Variants in GRIK2 observed in about 807,000 individuals in gnomAD.
GRIK2 encodes glutamate receptor ionotropic, kainate 2.
In GRIK2, 32 loss-of-function variants were observed where a neutral mutation model predicts 100.3. The observed-to-expected ratio is 0.32, with a 90% CI of 0.24 to 0.43. The LOEUF is 0.43. Ranked by LOEUF, GRIK2 falls within the 20% of genes least tolerant of loss-of-function variation. The pLI, the probability that GRIK2 is intolerant of heterozygous loss-of-function variation, is 1.00. For synonymous variants in GRIK2, 417 were observed against 389.4 expected, an observed-to-expected ratio of 1.07 and a Z score of -0.83; for missense variants, 843 against 1,114.9, an observed-to-expected ratio of 0.76 and a Z score of 3.47.
chr6:101,694,258 G>A (rs1226906827), intron 7 of GRIK2, among the ~76,000 whole-genome samples: 1 of 152,064 alleles, frequency 6.6e-6, no homozygotes, highest in Non-Finnish European at 1.5e-5. Flanking sequence ...CAAAGTAAAG[G>A]AAATACAACA....
intron 2 of GRIK2, among the ~76,000 whole-genome samples, chr6:101,575,732 G>A (rs569763647): frequency 7.1e-4 from 108 of 152,022 alleles, no homozygotes; most frequent in African/African-American, 2.6e-3. Context: ...TCTTTACACC[G>A]TAAACCATAA....
intron 2 of GRIK2, among the ~76,000 whole-genome samples, chr6:101,445,157 G>C (rs1430945279): frequency 6.6e-6 from 1 of 151,894 alleles, no homozygotes; most frequent in Non-Finnish European, 1.5e-5. Context: ...AATAACTTAA[G>C]GACTTGGTTT....
At chr6:101,520,115 A>G (rs2128281102) in intron 2 of GRIK2, among the ~76,000 whole-genome samples, 1 of 152,212 alleles carries the variant, frequency 6.6e-6, no homozygotes, top group South Asian at 2.1e-4. Flanking sequence ...ATTCTTATTA[A>G]TAAACTGTAA....
At chr6:101,590,263 G>T (rs1778577940) in intron 2 of GRIK2, among the ~76,000 whole-genome samples, 1 of 151,934 alleles carries the variant, frequency 6.6e-6, no homozygotes, top group South Asian at 2.1e-4. Context: ...ACTGAAGCTG[G>T]GCCCTACAAA....
intron 14 of GRIK2, among the ~76,000 whole-genome samples, chr6:102,003,539 G>C (rs963836740): frequency 1.3e-5 from 2 of 151,560 alleles, no homozygotes; most frequent in Non-Finnish European, 3.0e-5. Context: ...ATAATTTAGT[G>C]ATTATTGTTA....
chr6:101,619,372 G>T (rs1490593263), intron 2 of GRIK2, among the ~76,000 whole-genome samples: 1 of 151,602 alleles, frequency 6.6e-6, no homozygotes, highest in Non-Finnish European at 1.5e-5. Flanking sequence ...GAAATAAAAA[G>T]ATTTCTTTAA....
At chr6:101,445,307 C>T (rs545667279) in intron 2 of GRIK2, among the ~76,000 whole-genome samples, 1 of 152,242 alleles carries the variant, frequency 6.6e-6, no homozygotes, top group South Asian at 2.1e-4. Flanking sequence ...TTCAGCCAAT[C>T]TGAGCTTCCT....
At chr6:101,932,940 A>C (rs1237629640) in intron 14 of GRIK2, among the ~76,000 whole-genome samples, 2 of 151,936 alleles carry the variant, frequency 1.3e-5, no homozygotes, top group African/African-American at 4.8e-5. Context: ...TTACCAGTAC[A>C]ATTTCTTCTT....
At chr6:101,572,507 G>T (rs955078187) in intron 2 of GRIK2, among the ~76,000 whole-genome samples, 2 of 152,134 alleles carry the variant, frequency 1.3e-5, no homozygotes, top group East Asian at 3.9e-4. Flanking sequence ...TAAAAAGAGG[G>T]GAACAAATAA....
chr6:101,400,104 C>G (rs1186496937), intron 2 of GRIK2, among the ~76,000 whole-genome samples: 1 of 151,522 alleles, frequency 6.6e-6, no homozygotes, highest in African/African-American at 2.4e-5. Context: ...GCTTTCTGGA[C>G]GTTATGGACT....
intron 14 of GRIK2, among the ~76,000 whole-genome samples, chr6:101,937,125 A>C (rs567454334): frequency 6.6e-6 from 1 of 152,278 alleles, no homozygotes; most frequent in African/African-American, 2.4e-5. Flanking sequence ...TGGGCGCTTT[A>C]ACTGAATAAA....
At chr6:101,646,671 A>G (rs368540066) in intron 4 of GRIK2, among the ~76,000 whole-genome samples, 86 of 152,114 alleles carry the variant, frequency 5.7e-4, no homozygotes, top group African/African-American at 2.0e-3. Flanking sequence ...AAAATTTGCA[A>G]AAGATATCAC....
chr6:101,795,148 T>C (rs1016380374), intron 7 of GRIK2, among the ~76,000 whole-genome samples: 3 of 152,172 alleles, frequency 2.0e-5, no homozygotes, highest in Non-Finnish European at 4.4e-5. Flanking sequence ...ATTACAGATG[T>C]GAGCCACCAT....
intron 11 of GRIK2, among the ~76,000 whole-genome samples, chr6:101,872,814 G>A: frequency 6.6e-6 from 1 of 151,826 alleles, no homozygotes; most frequent in South Asian, 2.1e-4. Flanking sequence ...GTAATTTTAT[G>A]TCTGTTTTCA....
chr6:101,718,259 A>G (rs897644621), intron 7 of GRIK2, among the ~76,000 whole-genome samples: 1 of 151,852 alleles, frequency 6.6e-6, no homozygotes, highest in African/African-American at 2.4e-5. Flanking sequence ...CCAGGAGATT[A>G]TAACACATTG....
At chr6:101,690,251 C>A (rs1771997917) in intron 7 of GRIK2, among the ~76,000 whole-genome samples, 1 of 151,860 alleles carries the variant, frequency 6.6e-6, no homozygotes, top group Admixed American at 6.6e-5. Flanking sequence ...ATAGATAATA[C>A]CACATATTTC....
intron 2 of GRIK2, among the ~76,000 whole-genome samples, chr6:101,580,675 C>G (rs1160849964): frequency 6.6e-6 from 1 of 152,110 alleles, no homozygotes; most frequent in African/African-American, 2.4e-5. Flanking sequence ...ACTTCCCACC[C>G]GAACCTCTCT....
intron 7 of GRIK2, among the ~76,000 whole-genome samples, chr6:101,711,501 C>G (rs1391441798): frequency 6.6e-6 from 1 of 151,662 alleles, no homozygotes. Flanking sequence ...TTAATAAACT[C>G]TATAATGCAA....
chr6:101,461,164 A>G (rs140432434), intron 2 of GRIK2, among the ~76,000 whole-genome samples: 188 of 152,312 alleles, frequency 1.2e-3, no homozygotes, highest in Non-Finnish European at 2.2e-3. Flanking sequence ...TTCTGGGTGC[A>G]CATGTTAGTT....
Sources: allele counts gnomAD v4.1 joint callset (sites outside exome capture counted in the v4.1 genomes callset), GRCh38; gene constraint gnomAD v4.1.1; transcripts MANE v1.5; gene names NCBI Gene and HGNC (gene_info 2026-07-23, HGNC 2026-07-21).